The following ADCY2 variants were observed in gnomAD, a reference collection of about 807,000 sequenced individuals.
ADCY2 encodes adenylate cyclase type 2.
Under a neutral mutation model 125.2 loss-of-function variants are expected in ADCY2, and 31 were observed. That is an observed-to-expected ratio of 0.25 (90% CI 0.19 to 0.33). ADCY2 has a LOEUF of 0.33. ADCY2 is among the 10% of genes least tolerant of loss of function. The probability of loss-of-function intolerance (pLI) is 1.00; values close to 1 mark genes in which losing one functional copy is unlikely to be tolerated. For synonymous variants in ADCY2, 512 were observed against 548.4 expected (o/e 0.93, Z 0.93); for missense variants, 904 against 1,418.2 (o/e 0.64, Z 5.82).
chr5:7,817,739 A>G (rs950002690), intron 23 of ADCY2, among the ~76,000 whole-genome samples: 5 of 145,118 alleles, frequency 3.4e-5, no homozygotes, highest in Non-Finnish European at 6.0e-5. Context: ...GGAAGGATTG[A>G]TTGAACCCAA....
At chr5:7,792,972 C>T (rs1007656607) in intron 20 of ADCY2, among the ~76,000 whole-genome samples, 1 of 152,190 alleles carries the variant, frequency 6.6e-6, no homozygotes, top group Non-Finnish European at 1.5e-5. Flanking sequence ...AGGTGGGATA[C>T]GCATGAGAGG....
At chr5:7,820,470 G>T in intron 23 of ADCY2, 95 bp from the exon 24 acceptor site, 2 of 1,469,478 alleles carry the variant, frequency 1.4e-6, no homozygotes, top group South Asian at 1.2e-5. Context: ...CTCCAGCCTG[G>T]GTGACAGAAT....
intron 2 of ADCY2, among the ~76,000 whole-genome samples, chr5:7,513,233 A>T (rs1744138246): frequency 6.6e-6 from 1 of 152,192 alleles, no homozygotes; most frequent in African/African-American, 2.4e-5. Context: ...AATCTGTAAC[A>T]CTGACAGTTT....
chr5:7,704,810 G>A (rs544797860), intron 7 of ADCY2, among the ~76,000 whole-genome samples: 7 of 151,820 alleles, frequency 4.6e-5, no homozygotes, highest in East Asian at 1.9e-4. Flanking sequence ...CCCGGGCGGC[G>A]GAGCTTGCAG....
chr5:7,466,031 C>T (rs1383784728), intron 2 of ADCY2, among the ~76,000 whole-genome samples: 1 of 152,170 alleles, frequency 6.6e-6, no homozygotes, highest in Non-Finnish European at 1.5e-5. Context: ...AGTCCTACCT[C>T]TTTAAAATAG....
At chr5:7,684,364 ACT>A (rs1740442402) in intron 4 of ADCY2, among the ~76,000 whole-genome samples, 1 of 151,832 alleles carries the variant, frequency 6.6e-6, no homozygotes, top group Admixed American at 6.6e-5. Context: ...ACCTCCATAG[ACT>A]CTTATCCAAG....
chr5:7,582,629 C>T (rs980053279), intron 3 of ADCY2, among the ~76,000 whole-genome samples: 1 of 152,056 alleles, frequency 6.6e-6, no homozygotes, highest in South Asian at 2.1e-4. Flanking sequence ...AAAGGAGAAA[C>T]TCTATGTGAA....
chr5:7,566,906 T>C (rs1053801478), intron 3 of ADCY2, among the ~76,000 whole-genome samples: 12 of 152,214 alleles, frequency 7.9e-5, no homozygotes, highest in African/African-American at 2.4e-4. Context: ...ATAGCAAGTG[T>C]TCATTATAGT....
At chr5:7,457,578 G>A (rs897446167) in intron 2 of ADCY2, among the ~76,000 whole-genome samples, 5 of 152,172 alleles carry the variant, frequency 3.3e-5, no homozygotes, top group Admixed American at 1.3e-4. Context: ...TGGTGGGAAG[G>A]ACTCCACCTC....
chr5:7,529,298 C>T (rs1301668349), intron 3 of ADCY2, among the ~76,000 whole-genome samples: 2 of 152,094 alleles, frequency 1.3e-5, no homozygotes, highest in Non-Finnish European at 2.9e-5. Flanking sequence ...TCAGAAGCAT[C>T]AGGTATTAAA....
chr5:7,753,434 C>T (rs748276073), intron 15 of ADCY2, among the ~76,000 whole-genome samples: 1 of 152,156 alleles, frequency 6.6e-6, no homozygotes, highest in East Asian at 1.9e-4. Flanking sequence ...GAAAATGACT[C>T]CACTGACTGG....
intron 3 of ADCY2, among the ~76,000 whole-genome samples, chr5:7,612,555 C>T (rs1022814198): frequency 6.6e-6 from 1 of 152,158 alleles, no homozygotes; most frequent in Non-Finnish European, 1.5e-5. Flanking sequence ...TACCCTGAAG[C>T]AGGAATGCTG....
At chr5:7,529,300 G>T (rs1475323179) in intron 3 of ADCY2, among the ~76,000 whole-genome samples, 1 of 152,108 alleles carries the variant, frequency 6.6e-6, no homozygotes, top group Non-Finnish European at 1.5e-5. Flanking sequence ...AGAAGCATCA[G>T]GTATTAAAAA....
At chr5:7,425,878 T>C (rs1740368234) in intron 2 of ADCY2, among the ~76,000 whole-genome samples, 2 of 152,250 alleles carry the variant, frequency 1.3e-5, no homozygotes, top group African/African-American at 4.8e-5. Context: ...ATTGGAACTG[T>C]AATTTTCCTA....
At chr5:7,637,451 A>G (rs1168579530) in intron 4 of ADCY2, among the ~76,000 whole-genome samples, 2 of 149,720 alleles carry the variant, frequency 1.3e-5, no homozygotes, top group Admixed American at 1.3e-4. Context: ...AAAAAAAAAA[A>G]GAGAAGAAGA....
At chr5:7,607,022 T>G (rs561701191) in intron 3 of ADCY2, among the ~76,000 whole-genome samples, 1 of 152,262 alleles carries the variant, frequency 6.6e-6, no homozygotes, top group African/African-American at 2.4e-5. Context: ...AGCTTGGGCC[T>G]CAGCTGTCTT....
chr5:7,647,041 T>G (rs1738922640), intron 4 of ADCY2, among the ~76,000 whole-genome samples: 1 of 152,142 alleles, frequency 6.6e-6, no homozygotes, highest in Non-Finnish European at 1.5e-5. Flanking sequence ...GTAGGAAAGT[T>G]TTGTGCCCTG....
At chr5:7,626,463 T>TA in intron 4 of ADCY2, 147 bp downstream of exon 4, 3 of 859,368 alleles carry the variant, frequency 3.5e-6, no homozygotes, top group Non-Finnish European at 5.2e-6. Flanking sequence ...GGGAGTGTCT[T>TA]AGTCTGCTTA....
At chr5:7,693,229 A>T (rs1456838671) in intron 5 of ADCY2, among the ~76,000 whole-genome samples, 2 of 151,948 alleles carry the variant, frequency 1.3e-5, no homozygotes, top group Non-Finnish European at 2.9e-5. Flanking sequence ...GGTTCCAAGG[A>T]TATAGTTCTA....
Sources: gnomAD v4.1 joint callset for allele counts (sites outside exome capture counted in the v4.1 genomes callset) on GRCh38, gnomAD v4.1.1 for gene constraint, MANE v1.5 for transcripts, NCBI Gene and HGNC (gene_info 2026-07-23, HGNC 2026-07-21) for gene names.